DLG2: variants seen among roughly 807,000 people sequenced by gnomAD.
The protein encoded by DLG2 is discs large MAGUK scaffold protein 2, also known as disks large homolog 2.
Under a neutral mutation model 132.5 loss-of-function variants are expected in DLG2, and 45 were observed. That is an observed-to-expected ratio of 0.34 (90% CI 0.27 to 0.44). The LOEUF is 0.44. DLG2 is among the 20% of genes least tolerant of loss of function. The probability of loss-of-function intolerance (pLI) is 1.00; values close to 1 mark genes in which losing one functional copy is unlikely to be tolerated. For missense variants in DLG2, 1,045 were observed against 1,196.9 expected (o/e 0.87, Z 1.87); for synonymous variants, 424 against 419.6 (o/e 1.01, Z -0.13).
chr11:84,630,643 T>A (rs2099629964), intron 6 of DLG2, among the ~76,000 whole-genome samples: 2 of 152,188 alleles, frequency 1.3e-5, no homozygotes, highest in Non-Finnish European at 2.9e-5. Context: ...GTCTTAAGAA[T>A]AAGATGATAC....
chr11:83,796,033 T>C (rs1014530099), intron 17 of DLG2, among the ~76,000 whole-genome samples: 2 of 152,258 alleles, frequency 1.3e-5, no homozygotes, highest in Non-Finnish European at 2.9e-5. Context: ...AGTTGTGTAA[T>C]GTATCTATTT....
chr11:83,604,275 G>A (rs1594318085), intron 19 of DLG2, among the ~76,000 whole-genome samples: 1 of 152,278 alleles, frequency 6.6e-6, no homozygotes, highest in East Asian at 1.9e-4. Context: ...ATTCATAAGA[G>A]ATTCCACCTA....
At chr11:84,700,301 C>T (rs1439462413) in intron 6 of DLG2, among the ~76,000 whole-genome samples, 1 of 151,070 alleles carries the variant, frequency 6.6e-6, no homozygotes, top group Admixed American at 6.6e-5. Context: ...TTCAGCCAAC[C>T]TCAGAATACA....
intron 3 of DLG2, among the ~76,000 whole-genome samples, chr11:85,358,695 G>C (rs987001639): frequency 6.6e-6 from 1 of 152,172 alleles, no homozygotes; most frequent in African/African-American, 2.4e-5. Flanking sequence ...TAAACTTCTA[G>C]CTGGAACCAA....
At chr11:83,745,500 C>G (rs1328022998) in intron 18 of DLG2, among the ~76,000 whole-genome samples, 1 of 152,064 alleles carries the variant, frequency 6.6e-6, no homozygotes, top group Non-Finnish European at 1.5e-5. Context: ...ATTAAATATA[C>G]TCAAGTCTTT....
chr11:83,868,596 T>A (rs1424669338), intron 16 of DLG2, among the ~76,000 whole-genome samples: 1 of 152,166 alleles, frequency 6.6e-6, no homozygotes, highest in Non-Finnish European at 1.5e-5. Flanking sequence ...TTTTAATACA[T>A]TCTAAAAATA....
intron 4 of DLG2, among the ~76,000 whole-genome samples, chr11:85,164,966 T>A (rs1012432128): frequency 6.6e-6 from 1 of 152,144 alleles, no homozygotes; most frequent in Non-Finnish European, 1.5e-5. Flanking sequence ...CAAGATCAAC[T>A]CTTCAACCTA....
chr11:84,208,788 G>T lies in DLG2; in HGVS notation c.573+42450C>A, dbSNP rs539405399. On this transcript the variant is annotated intron_variant, in intron 8 of 27. Transcript: ENST00000376104. ...AATTGATAAATTTGTTTATCATAGG[G>T]ATTAAGGTTAAAAGTTTTGAAACCA... Among the ~76,000 whole-genome samples, 188 of 152,278 alleles carry T rather than the reference G, an allele frequency of 1.2e-3. 1 individual carries two copies. The highest frequency in any genetic ancestry group is 4.3e-3 in the African/African-American group (180 of 41,548).
intron 7 of DLG2, among the ~76,000 whole-genome samples, chr11:84,507,337 G>A (rs78269958): frequency 9.7e-4 from 147 of 152,318 alleles, no homozygotes; most frequent in Middle Eastern, 6.8e-3. Context: ...AGTGCCAGGA[G>A]AGTAGCTAAC....
intron 7 of DLG2, among the ~76,000 whole-genome samples, chr11:84,488,339 C>T (rs766686400): frequency 9.9e-5 from 15 of 152,156 alleles, no homozygotes; most frequent in Middle Eastern, 3.4e-3. Context: ...GAATAAAGTT[C>T]GGGTAAGGAT....
At chr11:85,516,444 C>G (rs1026845272) in intron 3 of DLG2, among the ~76,000 whole-genome samples, 3 of 151,732 alleles carry the variant, frequency 2.0e-5, no homozygotes, top group Non-Finnish European at 2.9e-5. Context: ...ATTCAATGAT[C>G]AGAGCAGAAT....
chr11:85,276,100 A>G (rs1028496879), intron 4 of DLG2, among the ~76,000 whole-genome samples: 2 of 152,170 alleles, frequency 1.3e-5, no homozygotes, highest in African/African-American at 4.8e-5. Context: ...ATATTCTGAA[A>G]CTTTTTCTTT....
At chr11:84,064,550 T>A (rs1470007139) in intron 10 of DLG2, among the ~76,000 whole-genome samples, 1 of 152,162 alleles carries the variant, frequency 6.6e-6, no homozygotes, top group Non-Finnish European at 1.5e-5. Flanking sequence ...GATAATGAGA[T>A]TGTTATTGAC....
intron 12 of DLG2, among the ~76,000 whole-genome samples, chr11:83,973,206 G>A (rs1009333679): frequency 2.0e-5 from 3 of 151,710 alleles, no homozygotes; most frequent in Non-Finnish European, 4.4e-5. Context: ...GTAATTTAGA[G>A]TAGAGAAATA....
intron 2 of DLG2, among the ~76,000 whole-genome samples, chr11:85,609,275 C>A (rs1040692620): frequency 2.0e-5 from 3 of 152,186 alleles, no homozygotes; most frequent in African/African-American, 4.8e-5. Context: ...ATTACCCAAT[C>A]AGCTGCAGAT....
chr11:84,518,738 C>T (rs1416087742), intron 7 of DLG2, among the ~76,000 whole-genome samples: 1 of 152,084 alleles, frequency 6.6e-6, no homozygotes, highest in Non-Finnish European at 1.5e-5. Flanking sequence ...TTTTATTAGG[C>T]TACTTTTTAA....
intron 7 of DLG2, among the ~76,000 whole-genome samples, chr11:84,466,471 A>G (rs1272338268): frequency 6.6e-6 from 1 of 151,226 alleles, no homozygotes; most frequent in African/African-American, 2.4e-5. Context: ...CAAGAGAACA[A>G]TGAGCAGAAG....
chr11:84,763,737 C>A (rs2067988013), intron 6 of DLG2, among the ~76,000 whole-genome samples: 1 of 152,126 alleles, frequency 6.6e-6, no homozygotes, highest in Admixed American at 6.6e-5. Context: ...GTAGTCATTC[C>A]ACTTATTCAG....
intron 6 of DLG2, among the ~76,000 whole-genome samples, chr11:84,713,005 C>T (rs545560046): frequency 6.6e-6 from 1 of 152,176 alleles, no homozygotes; most frequent in Non-Finnish European, 1.5e-5. Flanking sequence ...AGTGTGAATA[C>T]TATGAGAAAT....
Sources: gnomAD v4.1 joint callset for allele counts (sites outside exome capture counted in the v4.1 genomes callset) on GRCh38, gnomAD v4.1.1 for gene constraint, MANE v1.5 for transcripts, NCBI Gene and HGNC (gene_info 2026-07-23, HGNC 2026-07-21) for gene names.